Variants in POC1B observed in about 807,000 individuals in gnomAD.
POC1B encodes the protein POC1 centriolar protein homolog B.
In POC1B, 44 loss-of-function variants were observed where a neutral mutation model predicts 60.6. That is an observed-to-expected ratio of 0.73 (90% CI 0.57 to 0.93). The LOEUF is 0.93. Among genes scored for constraint, POC1B ranks in the 40% least tolerant of loss-of-function variants. POC1B has a pLI of 0.00. For synonymous variants in POC1B, 180 were observed against 198.9 expected (o/e 0.90, Z 0.80); for missense variants, 555 against 572.3 (o/e 0.97, Z 0.31).
intron 4 of POC1B, among the ~76,000 whole-genome samples, chr12:89,474,199 C>CT (rs1291653555): frequency 6.6e-6 from 1 of 151,002 alleles, no homozygotes; most frequent in African/African-American, 2.4e-5. Context: ...GAGTAAGACT[C>CT]TGTCTCAAAA....
chr12:89,497,210 G>C lies in POC1B; in HGVS notation c.233C>G (p.Ala78Gly), dbSNP rs148193637. 1 of 1,613,922 alleles carries C rather than the reference G, an allele frequency of 6.2e-7. No individual in the cohort carries two copies. The highest frequency in any genetic ancestry group is 1.3e-5 in the African/African-American group (1 of 75,032). The change falls in exon 3 of 12, where the codon GCC becomes GGC. Residue 78 changes from alanine to glycine, a missense_variant. Coordinates refer to ENST00000313546, the MANE Select transcript of POC1B (RefSeq NM_172240.3). ...GAGTCTCACGGTTCTGTCTCGTGAGGCAGACGCCAATAAGTTTCCATGTGG... is the reference window on the plus strand; with the variant it reads ...GAGTCTCACGGTTCTGTCTCGTGAGCCAGACGCCAATAAGTTTCCATGTGG... ...FSPHGNLLAS[A>G]SRDRTVRLWI...
At chr12:89,405,542 A>G in the POC1B span, among the ~76,000 whole-genome samples, 1 of 152,204 alleles carries the variant, frequency 6.6e-6, no homozygotes, top group Non-Finnish European at 1.5e-5. Flanking sequence ...TCCAGATAAT[A>G]CATTTAAATT....
At chr12:89,407,240 C>T in the POC1B span, among the ~76,000 whole-genome samples, 5 of 146,696 alleles carry the variant, frequency 3.4e-5, no homozygotes, top group African/African-American at 1.3e-4. Flanking sequence ...GGGTGTGTGT[C>T]GGAGGGTGGG....
At chr12:89,495,019 T>C (rs1869173699) in intron 3 of POC1B, among the ~76,000 whole-genome samples, 1 of 152,238 alleles carries the variant, frequency 6.6e-6, no homozygotes, top group Admixed American at 6.5e-5. Context: ...TTTGTGACTG[T>C]CATACAGCAA....
chr12:89,459,682 A>G lies in POC1B; in HGVS notation c.1069T>C (p.Ser357Pro). The G allele has an allele frequency of 6.5e-7, 1 of 1,541,426 alleles. No homozygotes were observed. Among genetic ancestry groups the G allele is most frequent in the Non-Finnish European group, 8.7e-7 (1 of 1,143,484 alleles). ...PKLEVIDLQI[S>P]TPPVMDILSF... ...AGGATATCCATAACAGGGGGAGTAGAGATCTGCAAATCGATTACCTCAAGC... is the reference window on the plus strand; with the variant it reads ...AGGATATCCATAACAGGGGGAGTAGGGATCTGCAAATCGATTACCTCAAGC... The change falls in exon 10 of 12, where the codon TCT becomes CCT. Residue 357 changes from serine to proline, a missense_variant. Coordinates refer to ENST00000313546, the MANE Select transcript of POC1B (RefSeq NM_172240.3).
chr12:89,474,831 G>A (rs912793815), intron 4 of POC1B, among the ~76,000 whole-genome samples: 2 of 152,190 alleles, frequency 1.3e-5, no homozygotes, highest in African/African-American at 4.8e-5. Context: ...CCACGAGGCA[G>A]TGCTGTTAGG....
intron 2 of POC1B, chr12:89,523,079 T>G (rs370790519): frequency 6.2e-7 from 1 of 1,613,900 alleles, no homozygotes; most frequent in Non-Finnish European, 8.5e-7. Flanking sequence ...ATTTCTTTGT[T>G]TGAAGTATAT....
At chr12:89,406,625 G>T in the POC1B span, among the ~76,000 whole-genome samples, 1 of 151,754 alleles carries the variant, frequency 6.6e-6, no homozygotes, top group Non-Finnish European at 1.5e-5. Context: ...GTTTTCTTAG[G>T]TCTCCTATTC....
chr12:89,411,248 T>C, the POC1B span, among the ~76,000 whole-genome samples: 3 of 152,204 alleles, frequency 2.0e-5, no homozygotes, highest in Admixed American at 6.5e-5. Flanking sequence ...ATTGGCTTTC[T>C]TCACAGAATT....
intron 10 of POC1B, among the ~76,000 whole-genome samples, chr12:89,444,814 T>C (rs1164947215): frequency 6.6e-6 from 1 of 152,184 alleles, no homozygotes; most frequent in Non-Finnish European, 1.5e-5. Context: ...GGAAGTCAAA[T>C]TGTCCCTGTT....
At chr12:89,418,133 C>T (rs1256482842), downstream of POC1B, among the ~76,000 whole-genome samples, 9 of 152,056 alleles carry the variant, frequency 5.9e-5, no homozygotes, top group Non-Finnish European at 1.3e-4. Context: ...TGGAGGGTCA[C>T]TTGGGCAGTC....
At chr12:89,501,156 T>C in intron 2 of POC1B, 2 of 1,406,814 alleles carry the variant, frequency 1.4e-6, no homozygotes, top group East Asian at 2.3e-5. Flanking sequence ...AAAAGCATCA[T>C]AATATATTAG....
rs1012287223 is a variant in POC1B at position 89,420,656 on chromosome 12, A to C, written c.*497T>G. The stretch of plus-strand genomic sequence containing the variant: ...TTGTTCATTCTTTCAAGGCATTAGT[A>C]AGAAAGGATAATTTCTATTTTGAAC... On this transcript the variant is annotated 3_prime_UTR_variant, in exon 12 of 12. Transcript: ENST00000313546. 1 of 152,410 alleles carries C rather than the reference A, an allele frequency of 6.6e-6. No homozygotes were observed. The highest frequency in any genetic ancestry group is 2.4e-5 in the African/African-American group (1 of 41,466). The allele number at this position is 152,410 out of a possible 1,614,324, so 9.4% of individuals were successfully genotyped here.
chr12:89,525,245 C>T, intron 1 of POC1B, 41 bp from the exon 2 acceptor site: 4 of 1,581,306 alleles, frequency 2.5e-6, no homozygotes, highest in Non-Finnish European at 2.6e-6. Context: ...CCGCCGCAGA[C>T]CTCGAATTCT....
At chr12:89,500,208 A>G (rs938427218) in intron 2 of POC1B, 173 of 1,597,742 alleles carry the variant, frequency 1.1e-4, no homozygotes, top group Non-Finnish European at 1.2e-4. Context: ...GAAATCTTAC[A>G]AGACTGTTTT....
chr12:89,424,269 G>C (rs1880659015), intron 11 of POC1B, among the ~76,000 whole-genome samples: 1 of 152,184 alleles, frequency 6.6e-6, no homozygotes, highest in Admixed American at 6.5e-5. Context: ...ACTGATGCTA[G>C]GGGCTTATCC....
intron 4 of POC1B, among the ~76,000 whole-genome samples, chr12:89,490,357 T>C (rs1167763023): frequency 1.3e-5 from 2 of 152,180 alleles, no homozygotes; most frequent in South Asian, 2.1e-4. Context: ...GTTTGTTTTT[T>C]TGAGATGGAG....
intron 10 of POC1B, among the ~76,000 whole-genome samples, chr12:89,448,471 T>TGCA (rs1881884207): frequency 6.6e-6 from 1 of 152,208 alleles, no homozygotes; most frequent in Non-Finnish European, 1.5e-5. Flanking sequence ...AGGAAATTTC[T>TGCA]GCATACACAG....
intron 4 of POC1B, 146 bp from the exon 5 acceptor site, chr12:89,472,421 G>A: frequency 5.1e-6 from 3 of 590,788 alleles, no homozygotes; most frequent in Admixed American, 3.5e-5. Flanking sequence ...ATATTCTGCA[G>A]CCAAGATCTT....
Sources: allele counts gnomAD v4.1 joint callset (sites outside exome capture counted in the v4.1 genomes callset), GRCh38; gene constraint gnomAD v4.1.1; transcripts MANE v1.5; gene names NCBI Gene and HGNC (gene_info 2026-07-23, HGNC 2026-07-21).